Variants in CUL2 observed in about 807,000 individuals in gnomAD.
CUL2 encodes cullin 2, also known as cullin-2.
A neutral mutation model predicts 110.2 loss-of-function variants in CUL2; 22 were observed. That is an observed-to-expected ratio of 0.20 (90% confidence interval 0.14 to 0.28). The LOEUF is 0.28. Among genes scored for constraint, CUL2 ranks in the 10% least tolerant of loss-of-function variants. The pLI, the probability that CUL2 is intolerant of heterozygous loss-of-function variation, is 1.00. For missense variants in CUL2, 631 were observed against 905.5 expected (o/e 0.70, Z 3.89); for synonymous variants, 279 against 293.2 (o/e 0.95, Z 0.49).
At chr10:35,049,547 A>T (rs1200356763) in intron 6 of CUL2, 136 bp downstream of exon 6, 1 of 551,438 alleles carries the variant, frequency 1.8e-6, no homozygotes, top group South Asian at 3.2e-5. Context: ...AAATGCTGGC[A>T]TTGGAAGTAA....
chr10:35,035,830 C>T (rs770938221), intron 9 of CUL2, among the ~76,000 whole-genome samples: 4 of 152,170 alleles, frequency 2.6e-5, no homozygotes, highest in African/African-American at 9.7e-5. Flanking sequence ...GTAGACAGAT[C>T]CTTCTAACCA....
chr10:35,027,717 A>C (rs1017488480), intron 16 of CUL2, among the ~76,000 whole-genome samples: 1 of 152,184 alleles, frequency 6.6e-6, no homozygotes, highest in African/African-American at 2.4e-5. Context: ...TTTCAATCCT[A>C]TGTATCTGAA....
At chr10:35,030,248 A>G (rs1253897768) in intron 14 of CUL2, among the ~76,000 whole-genome samples, 1 of 152,258 alleles carries the variant, frequency 6.6e-6, no homozygotes, top group Non-Finnish European at 1.5e-5. Context: ...CTATTTAGGC[A>G]TATTTTTAAT....
rs981791280 is a variant in CUL2 at position 35,009,842 on chromosome 10, C to T, written c.*469G>A. ...TTTGTGGTCAACCTGATACTCCATC[C>T]ACATAAAAAAGGCATTCTATTTCTT... On this transcript the variant is annotated 3_prime_UTR_variant, in exon 21 of 21. Transcript: ENST00000374749. 1 of 152,116 alleles carries T rather than the reference C, an allele frequency of 6.6e-6. No individual in the cohort carries two copies. Among genetic ancestry groups the T allele is most frequent in the African/African-American group, 2.4e-5 (1 of 41,308 alleles). The allele number at this position is 152,116 out of a possible 1,614,324, so 9.4% of individuals were successfully genotyped here.
chr10:35,044,626 A>G lies in CUL2; in HGVS notation c.654T>C (p.Tyr218=). 1.9e-6 allele frequency: 3 copies of G among 1,611,304 alleles called. No homozygotes were observed. Among genetic ancestry groups the G allele is most frequent in the Non-Finnish European group, 2.5e-6 (3 of 1,179,544 alleles). The change falls in exon 8 of 21, where the codon TAT becomes TAC. Residue 218 remains tyrosine (Y), a synonymous_variant. Transcript: ENST00000374749. ...ATAAATTTGAAGCTTCTTGTTTGTA[A>G]TACTCTCCTGTTTCAGTCAGAAAGG... The part of the protein sequence containing the change: ...ESPFLTETGE[Y]YKQEASNLLQ...
chr10:35,052,144 G>A (rs1234229106), intron 5 of CUL2, among the ~76,000 whole-genome samples: 1 of 152,084 alleles, frequency 6.6e-6, no homozygotes, highest in African/African-American at 2.4e-5. Context: ...ACTACATCCA[G>A]ATAGGCTGTT....
At chr10:35,111,297 A>G (rs1017694426) in intron 1 of CUL2, among the ~76,000 whole-genome samples, 5 of 151,824 alleles carry the variant, frequency 3.3e-5, no homozygotes, top group African/African-American at 1.2e-4. Context: ...CTGTTGCCCA[A>G]CTGGAGTGCA....
rs770605634 is a variant in CUL2 at position 35,035,344 on chromosome 10, T to C, written c.878-48A>G. The C allele has an allele frequency of 4.4e-5, 70 of 1,598,780 alleles. 1 individual carries two copies. The South Asian group carries it at 7.5e-4, about 17-fold the overall frequency. On this transcript the variant is annotated intron_variant, in intron 9 of 20. Transcript: ENST00000374749. ...GGGTTAACTCCCAAATATTTTCATT[T>C]ATTAGGTAATATATGGATCCAAGTG...
chr10:35,051,971 A>G (rs1357219866), intron 5 of CUL2, among the ~76,000 whole-genome samples: 2 of 152,238 alleles, frequency 1.3e-5, no homozygotes, highest in African/African-American at 4.8e-5. Context: ...CCCTAAGGTA[A>G]TAGGCATATG....
chr10:35,057,209 AT>A (rs1223771204), intron 4 of CUL2, among the ~76,000 whole-genome samples: 2 of 152,226 alleles, frequency 1.3e-5, no homozygotes, highest in Non-Finnish European at 2.9e-5. Flanking sequence ...CCAGGTATTG[AT>A]TTAGTGCAGC....
chr10:35,106,798 A>G (rs992736124), intron 1 of CUL2, among the ~76,000 whole-genome samples: 7 of 151,824 alleles, frequency 4.6e-5, no homozygotes, highest in Non-Finnish European at 7.4e-5. Context: ...GATCTGAAAA[A>G]GGATTACAGG....
At chr10:35,080,990 G>A (rs192843421) in intron 1 of CUL2, among the ~76,000 whole-genome samples, 3 of 152,114 alleles carry the variant, frequency 2.0e-5, no homozygotes, top group East Asian at 1.9e-4. Context: ...GAGGTGGGAG[G>A]ATCACTTGAG....
At chr10:35,123,085 C>A (rs1342990733) in intron 1 of CUL2, among the ~76,000 whole-genome samples, 1 of 152,144 alleles carries the variant, frequency 6.6e-6, no homozygotes, top group African/African-American at 2.4e-5. Flanking sequence ...CTGCAGTGAG[C>A]TGTGACGGCA....
intron 1 of CUL2, among the ~76,000 whole-genome samples, chr10:35,102,987 T>C (rs1393179152): frequency 6.6e-6 from 1 of 152,118 alleles, no homozygotes; most frequent in Non-Finnish European, 1.5e-5. Context: ...ATGCTGCCTG[T>C]CTATTATGGG....
At chr10:35,102,258 A>C (rs1015355321) in intron 1 of CUL2, among the ~76,000 whole-genome samples, 1 of 151,978 alleles carries the variant, frequency 6.6e-6, no homozygotes, top group African/African-American at 2.4e-5. Flanking sequence ...AATAACATTA[A>C]TAAAAATAAA....
Position 35,049,761 on chromosome 10 carries a change from G to A in CUL2, c.428C>T (p.Ala143Val). 6.2e-7 allele frequency: 1 copy of A among 1,611,036 alleles called. No individual in the cohort carries two copies. The highest frequency in any genetic ancestry group is 8.5e-7 in the Non-Finnish European group (1 of 1,178,174). The change falls in exon 6 of 21, where the codon GCA (alanine) becomes GTA (valine). Residue 143 changes from alanine (A) to valine (V), a missense_variant. Ala to Val is a moderately conservative substitution (Grantham distance 64, BLOSUM62 0). Around this residue, in one of 3 missense-constraint regions of CUL2, gnomAD observed 338 missense variants for 442.5 expected, o/e 0.76. Coordinates refer to ENST00000374749, the MANE Select transcript of CUL2 (RefSeq NM_003591.4). ...NEPLMEIGEL[A>V]LDMWRKLMVE... The stretch of plus-strand genomic sequence containing the variant: ...CATCAATTTCCTCCACATATCCAAT[G>A]CTAGCTGCCGGGAAAAACGAAAATC...
chr10:35,036,782 G>A (rs572893708), intron 9 of CUL2, among the ~76,000 whole-genome samples: 4 of 152,130 alleles, frequency 2.6e-5, no homozygotes, highest in Admixed American at 1.3e-4. Flanking sequence ...CACCCAGGCT[G>A]GAGTGCAGTG....
chr10:35,047,574 C>T (rs2085976627), intron 6 of CUL2, among the ~76,000 whole-genome samples: 1 of 146,772 alleles, frequency 6.8e-6, no homozygotes, highest in East Asian at 2.0e-4. Context: ...CGTGCAATTG[C>T]ACTCCAACCT....
chr10:35,110,938 A>G (rs2087516811), intron 1 of CUL2, among the ~76,000 whole-genome samples: 1 of 152,246 alleles, frequency 6.6e-6, no homozygotes, highest in Admixed American at 6.5e-5. Context: ...ATAACAGCCC[A>G]TAACAGAAGT....
Sources: allele counts gnomAD v4.1 joint callset (sites outside exome capture counted in the v4.1 genomes callset), GRCh38; gene constraint gnomAD v4.1.1; regional missense constraint gnomAD v4.1.1; transcripts MANE v1.5; gene names NCBI Gene and HGNC (gene_info 2026-07-23, HGNC 2026-07-21).